The following PLGRKT variants were observed in gnomAD, a reference collection of about 807,000 sequenced individuals.
PLGRKT encodes the protein plasminogen receptor with a C-terminal lysine.
A neutral mutation model predicts 18.5 loss-of-function variants in PLGRKT; 22 were observed. That is an observed-to-expected ratio of 1.19 (90% CI 0.85 to 1.70). The LOEUF is 1.70. Ranked by LOEUF, PLGRKT falls within the 40% of genes most tolerant of loss-of-function variation. The pLI, the probability that PLGRKT is intolerant of heterozygous loss-of-function variation, is 0.00. For missense variants in PLGRKT, 235 were observed against 174.4 expected, an observed-to-expected ratio of 1.35 and a Z score of -1.96; for synonymous variants, 72 against 52.8, an observed-to-expected ratio of 1.36 and a Z score of -1.58.
intron 3 of PLGRKT, among the ~76,000 whole-genome samples, chr9:5,422,446 T>C (rs1383774481): frequency 6.6e-6 from 1 of 152,190 alleles, no homozygotes; most frequent in Non-Finnish European, 1.5e-5. Flanking sequence ...ATCAGCCAAA[T>C]ACAAACTGTA....
At chr9:5,406,031 G>C (rs1255678490) in intron 3 of PLGRKT, among the ~76,000 whole-genome samples, 1 of 152,110 alleles carries the variant, frequency 6.6e-6, no homozygotes, top group East Asian at 1.9e-4. Context: ...CTGATCACTA[G>C]AGAAATGCAA....
intron 3 of PLGRKT, among the ~76,000 whole-genome samples, chr9:5,397,019 A>G (rs1037858863): frequency 2.0e-5 from 3 of 152,050 alleles, no homozygotes; most frequent in Non-Finnish European, 4.4e-5. Flanking sequence ...ATTTTTGAAA[A>G]TCAGAGTTTT....
chr9:5,409,484 G>C (rs1818319710), intron 3 of PLGRKT, among the ~76,000 whole-genome samples: 1 of 152,152 alleles, frequency 6.6e-6, no homozygotes, highest in African/African-American at 2.4e-5. Context: ...GCCTGCAGAT[G>C]GCCTATTGTG....
At chr9:5,405,098 ACTACAAACCT>A (rs1818230387) in intron 3 of PLGRKT, among the ~76,000 whole-genome samples, 1 of 152,188 alleles carries the variant, frequency 6.6e-6, no homozygotes, top group South Asian at 2.1e-4. Context: ...TTCAATGAGA[ACTACAAACCT>A]CTGCTCAAGG....
intron 3 of PLGRKT, among the ~76,000 whole-genome samples, chr9:5,376,029 G>A (rs1377498308): frequency 6.6e-6 from 1 of 152,162 alleles, no homozygotes; most frequent in East Asian, 1.9e-4. Context: ...TAAAAAGGAA[G>A]GAAATTCTGA....
In PLGRKT at chr9:5,418,563, C is replaced by T; in HGVS notation, c.81+13334G>A. The T allele has an allele frequency of 2.5e-6, 2 of 801,688 alleles. No individual in the cohort carries two copies. Among genetic ancestry groups the T allele is most frequent in the Non-Finnish European group, 4.4e-6 (2 of 451,184 alleles). 49.7% of individuals were successfully genotyped at this position (801,688 alleles called of 1,614,324 possible). A position where few individuals can be genotyped will look rare whatever the true frequency, so the allele number is the denominator to read the frequency against. ...GGGGAGCCCTGCCTTGCAGAGGCTG[C>T]TGTCCAGCAGGGATGGTCACCACAG... is the stretch of plus-strand genomic sequence containing the variant. On this transcript the variant is annotated intron_variant, in intron 3 of 5. Coordinates refer to ENST00000223864, the MANE Select transcript of PLGRKT (RefSeq NM_018465.4). The surrounding 1 kb of genome is among the most constrained non-coding windows in gnomAD (Gnocchi z 4.2).
chr9:5,365,005 G>T (rs577666843), intron 3 of PLGRKT, among the ~76,000 whole-genome samples: 22 of 152,272 alleles, frequency 1.4e-4, no homozygotes, highest in African/African-American at 5.3e-4. Context: ...CTTAGTGTAA[G>T]TACATACATT....
At chr9:5,426,355 G>C (rs975273168) in intron 3 of PLGRKT, among the ~76,000 whole-genome samples, 1 of 152,106 alleles carries the variant, frequency 6.6e-6, no homozygotes, top group Non-Finnish European at 1.5e-5. Context: ...CTTAAAAAAG[G>C]AAAGAACAGC....
intron 3 of PLGRKT, among the ~76,000 whole-genome samples, chr9:5,420,582 C>T (rs558179828): frequency 1.3e-5 from 2 of 152,116 alleles, no homozygotes; most frequent in Non-Finnish European, 2.9e-5. Flanking sequence ...CCCACTCCCT[C>T]GGTGAACTTG....
chr9:5,387,497 T>C (rs1394543123), intron 3 of PLGRKT, among the ~76,000 whole-genome samples: 1 of 151,866 alleles, frequency 6.6e-6, no homozygotes, highest in African/African-American at 2.4e-5. Context: ...CAAGCAACAA[T>C]GTAGATGAAT....
intron 3 of PLGRKT, among the ~76,000 whole-genome samples, chr9:5,365,388 C>G (rs983337581): frequency 1.3e-5 from 2 of 152,124 alleles, no homozygotes; most frequent in Non-Finnish European, 2.9e-5. Context: ...ATCCATAAGC[C>G]TATACTAACA....
At chr9:5,428,951 C>T (rs1818759620) in intron 3 of PLGRKT, among the ~76,000 whole-genome samples, 1 of 152,194 alleles carries the variant, frequency 6.6e-6, no homozygotes, top group South Asian at 2.1e-4. Context: ...ATCATCCTGC[C>T]ATGGTCTCCC....
intron 3 of PLGRKT, among the ~76,000 whole-genome samples, chr9:5,428,846 G>T (rs938539369): frequency 2.0e-5 from 3 of 152,150 alleles, no homozygotes; most frequent in African/African-American, 4.8e-5. Flanking sequence ...CTATAGTTGT[G>T]TAACACCATG....
intron 2 of PLGRKT, among the ~76,000 whole-genome samples, chr9:5,432,260 C>G (rs925316921): frequency 1.9e-4 from 29 of 152,228 alleles, no homozygotes; most frequent in African/African-American, 6.7e-4. Flanking sequence ...ATGGCTGTTT[C>G]CTGATTTTTC....
chr9:5,372,004 T>C (rs1412685479), intron 3 of PLGRKT, among the ~76,000 whole-genome samples: 1 of 147,500 alleles, frequency 6.8e-6, no homozygotes, highest in Non-Finnish European at 1.5e-5. Flanking sequence ...TTTTTTGATA[T>C]GGAGTCTCGC....
intron 3 of PLGRKT, among the ~76,000 whole-genome samples, chr9:5,385,855 A>C (rs71498614): frequency 6.6e-6 from 1 of 151,952 alleles, no homozygotes; most frequent in Admixed American, 6.6e-5. Context: ...AAACCCTTGG[A>C]AGACAGAGAT....
intron 3 of PLGRKT, among the ~76,000 whole-genome samples, chr9:5,416,661 C>G (rs903500304): frequency 2.0e-5 from 3 of 151,790 alleles, no homozygotes; most frequent in Non-Finnish European, 2.9e-5. Context: ...AAAAAAAAAG[C>G]TTTCTGATGG....
intron 3 of PLGRKT, among the ~76,000 whole-genome samples, chr9:5,390,407 G>C (rs551157355): frequency 2.2e-4 from 34 of 151,884 alleles, no homozygotes; most frequent in Non-Finnish European, 4.0e-4. Flanking sequence ...AGGCCAAACA[G>C]AGTGGTCTCA....
intron 3 of PLGRKT, among the ~76,000 whole-genome samples, chr9:5,381,350 C>A (rs942833273): frequency 6.6e-6 from 1 of 152,256 alleles, no homozygotes; most frequent in African/African-American, 2.4e-5. Context: ...TGGTGCCCTG[C>A]ATCCCAGCTG....
Sources: allele counts gnomAD v4.1 joint callset (sites outside exome capture counted in the v4.1 genomes callset), GRCh38; gene constraint gnomAD v4.1.1; non-coding constraint Gnocchi (gnomAD v3.1); transcripts MANE v1.5; gene names NCBI Gene and HGNC (gene_info 2026-07-23, HGNC 2026-07-21).